The following PCDHA6 variants were observed in gnomAD, a reference collection of about 807,000 sequenced individuals.
PCDHA6 encodes protocadherin alpha 6.
A neutral mutation model predicts 60.3 loss-of-function variants in PCDHA6; 55 were observed. That is an observed-to-expected ratio of 0.91 (90% CI 0.73 to 1.14). The LOEUF (loss-of-function observed/expected upper bound fraction) is 1.14, where lower values mean the gene tolerates loss of function less well. Among genes scored for constraint, PCDHA6 ranks in the 50% most tolerant of loss-of-function variants. The pLI is 0.00. For missense variants in PCDHA6, 1,327 were observed against 1,256.5 expected, an observed-to-expected ratio of 1.06 and a Z score of -0.85; for synonymous variants, 652 against 557.9, an observed-to-expected ratio of 1.17 and a Z score of -2.38.
chr5:140,969,046 C>A, intron 1 of PCDHA6: 5 of 1,614,074 alleles, frequency 3.1e-6, no homozygotes, highest in Non-Finnish European at 4.2e-6. Flanking sequence ...ACAAACAAGC[C>A]AACAACAATA....
intron 1 of PCDHA6, among the ~76,000 whole-genome samples, chr5:140,934,420 C>T (rs559621314): frequency 1.1e-4 from 16 of 152,184 alleles, no homozygotes; most frequent in Non-Finnish European, 1.8e-4. Flanking sequence ...TTTGCATTAT[C>T]AATGCAAGTG....
At chr5:140,852,630 T>C in intron 1 of PCDHA6, 1 of 954,540 alleles carries the variant, frequency 1.0e-6, no homozygotes, top group Non-Finnish European at 1.3e-6. Context: ...GTCTCTGAGC[T>C]CCTGTCATTA....
Position 140,896,030 on chromosome 5 carries a change from C to T in PCDHA6, c.2394+65545C>T, listed in dbSNP as rs180907288. On this transcript the variant is annotated intron_variant, in intron 1 of 3. Transcript: ENST00000529310. ...TTCTCCATGTTGGCCAGGCTGGTCT[C>T]GAACTCCTGACCTCAGGTGATCCGC... Among the ~76,000 whole-genome samples, 1,221 of 152,240 alleles carry T rather than the reference C, an allele frequency of 8.0e-3. 6 individuals are homozygous for T. The highest frequency in any genetic ancestry group is 0.019 in the African/African-American group (785 of 41,560).
chr5:140,882,156 A>C (rs1582595846), intron 1 of PCDHA6: 2 of 1,504,204 alleles, frequency 1.3e-6, no homozygotes, highest in Non-Finnish European at 1.8e-6. Flanking sequence ...AAAGCGGAAT[A>C]CCTCTTGCGA....
At chr5:140,921,615 C>A (rs977929420) in intron 1 of PCDHA6, among the ~76,000 whole-genome samples, 13 of 152,090 alleles carry the variant, frequency 8.5e-5, no homozygotes, top group Non-Finnish European at 1.5e-4. Flanking sequence ...AGAAAAATAT[C>A]ATCAGATCAT....
In PCDHA6 at chr5:140,924,786, T is replaced by G. The variant is rs2082007959; in HGVS notation, c.2395-54163T>G. Reference sequence around the variant, plus strand: ...GGTGCGCGCTTGTAGTCCTAGCTACTTAGGAGGCTGAGGCAAGAGAATCGC... The same window carrying G: ...GGTGCGCGCTTGTAGTCCTAGCTACGTAGGAGGCTGAGGCAAGAGAATCGC... On this transcript the variant is annotated intron_variant, in intron 1 of 3. Coordinates refer to ENST00000529310, the MANE Select transcript of PCDHA6 (RefSeq NM_018909.4). Among the ~76,000 whole-genome samples the G allele has an allele frequency of 4.6e-5, 7 of 151,720 alleles. No homozygotes were observed. In the South Asian group the frequency reaches 1.2e-3, roughly 27 times the overall value.
Position 140,829,834 on chromosome 5 carries a change from G to T in PCDHA6, c.1743G>T (p.Val581=), listed in dbSNP as rs1263397985. The T allele has an allele frequency of 6.2e-7, 1 of 1,613,928 alleles. No homozygotes were observed. The change falls in exon 1 of 4, where the codon GTG becomes GTT. Residue 581 remains valine (V), a synonymous_variant. Coordinates refer to ENST00000529310, the MANE Select transcript of PCDHA6 (RefSeq NM_018909.4). ...GGTGGAVSEL[V]PRSLGAGQVV... ...CTGGTGGTGCAGTGAGCGAGCTGGT[G>T]CCGCGGTCACTGGGTGCAGGCCAAG...
rs140356413 is a variant in PCDHA6, at chr5:140,945,687, T to C, written c.2395-33262T>C. On this transcript the variant is annotated intron_variant, in intron 1 of 3. Transcript: ENST00000529310. ...CCCAGAAATAAATCCACACAGTTAC[T>C]GTCCACTGATTTGCAACAAAAGTAT... 6.6e-3 allele frequency among the ~76,000 whole-genome samples: 1,005 copies of C among 152,204 alleles called. 10 individuals carry two copies. The highest frequency in any genetic ancestry group is 0.023 in the African/African-American group (952 of 41,538).
At chr5:140,882,823 T>C (rs2059326985) in intron 1 of PCDHA6, 1 of 1,614,160 alleles carries the variant, frequency 6.2e-7, no homozygotes, top group Non-Finnish European at 8.5e-7. Flanking sequence ...CACAAAACAG[T>C]CTTGAGCAAA....
intron 1 of PCDHA6, among the ~76,000 whole-genome samples, chr5:140,907,440 C>T (rs781836409): frequency 4.6e-5 from 7 of 152,222 alleles, no homozygotes; most frequent in Non-Finnish European, 1.0e-4. Flanking sequence ...TGTGAGTCCA[C>T]AGATGGTAAT....
intron 1 of PCDHA6, among the ~76,000 whole-genome samples, chr5:140,881,049 A>C (rs990514512): frequency 6.6e-6 from 1 of 152,238 alleles, no homozygotes; most frequent in Admixed American, 6.5e-5. Flanking sequence ...AGAGTTGTGC[A>C]CAGAACAGGC....
intron 3 of PCDHA6, among the ~76,000 whole-genome samples, chr5:140,996,029 C>T (rs915903807): frequency 6.6e-6 from 1 of 152,184 alleles, no homozygotes; most frequent in Admixed American, 6.5e-5. Context: ...GTTTAATGCT[C>T]CTAGCACTTA....
chr5:140,968,886 A>T, intron 1 of PCDHA6: 1 of 1,614,186 alleles, frequency 6.2e-7, no homozygotes, highest in Non-Finnish European at 8.5e-7. Flanking sequence ...ATTACCCTTT[A>T]TCTAATAATA....
At chr5:140,853,695 C>T (rs376697449) in intron 1 of PCDHA6, 1 of 988,266 alleles carries the variant, frequency 1.0e-6, no homozygotes, top group African/African-American at 1.8e-5. Context: ...CTTAGACCTG[C>T]TAACGCATTA....
intron 1 of PCDHA6, among the ~76,000 whole-genome samples, chr5:140,972,062 A>G (rs1398109338): frequency 6.6e-6 from 1 of 152,246 alleles, no homozygotes; most frequent in Admixed American, 6.5e-5. Flanking sequence ...AGTCGTATAT[A>G]TTAACTGCTT....
chr5:140,828,783 C>G lies in PCDHA6; in HGVS notation c.692C>G (p.Thr231Arg), dbSNP rs2150158892. The G allele has an allele frequency of 8.7e-6, 14 of 1,614,164 alleles. No individual in the cohort carries two copies. The highest frequency in any genetic ancestry group is 1.1e-5 in the Non-Finnish European group (13 of 1,180,014). ...ELTGTVQLLV[T>R]VLDVNDNAPT... Reference sequence around the variant, plus strand: ...ACAGGCACTGTTCAGCTGCTGGTCACAGTGCTGGATGTGAATGATAATGCT... The same window carrying G: ...ACAGGCACTGTTCAGCTGCTGGTCAGAGTGCTGGATGTGAATGATAATGCT... The change falls in exon 1 of 4, where the codon ACA (threonine) becomes AGA (arginine). Residue 231 changes from threonine (T) to arginine (R), a missense_variant. Transcript: ENST00000529310.
At chr5:140,980,475 C>G (rs538255137) in intron 2 of PCDHA6, among the ~76,000 whole-genome samples, 10 of 152,148 alleles carry the variant, frequency 6.6e-5, no homozygotes, top group African/African-American at 2.2e-4. Context: ...ACTAAAAATA[C>G]AAAAATTAGC....
rs1364001637 is a variant in PCDHA6, at chr5:140,830,278, G to A, written c.2187G>A (p.Glu729=). The A allele has an allele frequency of 1.9e-6, 3 of 1,613,714 alleles. No individual in the cohort carries two copies. Among genetic ancestry groups the A allele is most frequent in the African/African-American group, 1.3e-5 (1 of 74,932 alleles). ...TGCGGTGCTCGGCGCCACCCACCGAGGGCGCGTGCACGGCGGACAAGCCCA... is the reference window on the plus strand; with the variant it reads ...TGCGGTGCTCGGCGCCACCCACCGAAGGCGCGTGCACGGCGGACAAGCCCA... ...TALRCSAPPT[E]GACTADKPTL... Residue 729 remains glutamate (E), a synonymous_variant, in exon 1 of 4, where the codon GAG becomes GAA. Coordinates refer to ENST00000529310, the MANE Select transcript of PCDHA6 (RefSeq NM_018909.4).
Position 140,828,729 on chromosome 5 carries a change from C to T in PCDHA6, c.638C>T (p.Thr213Ile), listed in dbSNP as rs1554131485. ...EEAPAHNLFL[T>I]ATDGGKPELT... ...GCTCCTGCACACAACTTATTCCTGA[C>T]AGCCACAGATGGGGGCAAACCTGAG... Residue 213 changes from threonine (T) to isoleucine (I), a missense_variant, in exon 1 of 4, where the codon ACA becomes ATA. Thr to Ile is a moderately conservative substitution (Grantham distance 89). Transcript: ENST00000529310. 2.5e-6 allele frequency: 4 copies of T among 1,614,254 alleles called. No individual in the cohort carries two copies. Among genetic ancestry groups the T allele is most frequent in the Non-Finnish European group, 3.4e-6 (4 of 1,180,046 alleles).
Sources: allele counts gnomAD v4.1 joint callset (sites outside exome capture counted in the v4.1 genomes callset), GRCh38; gene constraint gnomAD v4.1.1; transcripts MANE v1.5; gene names NCBI Gene and HGNC (gene_info 2026-07-23, HGNC 2026-07-21).